BMP1: variants seen among roughly 807,000 people sequenced by gnomAD.
The protein encoded by BMP1 is bone morphogenetic protein 1.
BMP1 carries 63 observed loss-of-function variants against 116.8 expected under a neutral mutation model. That is an observed-to-expected ratio of 0.54 (90% CI 0.44 to 0.67). BMP1 has a LOEUF of 0.67. BMP1 is among the 30% of genes least tolerant of loss of function. The probability of loss-of-function intolerance (pLI) is 0.00; values close to 1 mark genes in which losing one functional copy is unlikely to be tolerated. For synonymous variants in BMP1, 536 were observed against 533.4 expected (o/e 1.00, Z -0.07); for missense variants, 1,183 against 1,358.9 (o/e 0.87, Z 2.04).
chr8:22,187,751 A>G (rs892270271), intron 8 of BMP1, among the ~76,000 whole-genome samples: 26 of 152,082 alleles, frequency 1.7e-4, no homozygotes, highest in African/African-American at 6.3e-4. Flanking sequence ...TCCAAATACC[A>G]AAAAATCTTA....
intron 1 of BMP1, chr8:22,171,162 G>C (rs151160401): frequency 6.6e-6 from 1 of 152,344 alleles, no homozygotes; most frequent in Non-Finnish European, 1.5e-5. Flanking sequence ...ATTCAAGTAA[G>C]AGTAGCTTTC....
rs1416254926 is a variant in BMP1 at position 22,194,199 on chromosome 8, A to C, written c.1297+25A>C. ...GGTACTGAGGAAGGCGGCGGGCGGG[A>C]GGAGTCAGATAGGAGGTCTCTGGGC... On this transcript the variant is annotated intron_variant, in intron 10 of 19. Coordinates refer to ENST00000306385, the MANE Select transcript of BMP1 (RefSeq NM_006129.5). This position sits in a 1 kb window ranked among gnomAD's most constrained non-coding sequence, Gnocchi z 4.5. 6.2e-7 allele frequency: 1 copy of C among 1,602,980 alleles called. No individual in the cohort carries two copies. The highest frequency in any genetic ancestry group is 8.5e-7 in the Non-Finnish European group (1 of 1,170,024).
chr8:22,177,104 G>T lies in BMP1; in HGVS notation c.695G>T (p.Arg232Leu). Residue 232 changes from arginine (R) to leucine (L), a missense_variant, in exon 5 of 20, where the codon CGC becomes CTC. Physicochemically the swap from Arg to Leu is moderately radical, Grantham distance 102 (BLOSUM62 -2). Transcript: ENST00000306385. ...WHEHTRPDRDRHVSIVRENIQ... is the reference protein window; with the variant it reads ...WHEHTRPDRDLHVSIVRENIQ... ...GAACACACTCGGCCAGACCGGGACCGCCACGTTTCCATCGTTCGTGAGAAC... is the reference window on the plus strand; with the variant it reads ...GAACACACTCGGCCAGACCGGGACCTCCACGTTTCCATCGTTCGTGAGAAC... The T allele has an allele frequency of 6.2e-7, 1 of 1,610,652 alleles. No individual in the cohort carries two copies.
In BMP1 at chr8:22,207,506, C is replaced by T; in HGVS notation, c.2565C>T (p.Ser855=). ...TCCAGCGAAAGGGCTTCCAGGCCTC[C>T]CACGCCACAGGTACTGTCCCCGGTT... ...NSVQRKGFQA[S]HATECGGQVR... The change falls in exon 18 of 20, where the codon TCC becomes TCT. Residue 855 remains serine (S), a synonymous_variant. Transcript: ENST00000306385. 1 of 1,613,348 alleles carries T rather than the reference C, an allele frequency of 6.2e-7. No individual in the cohort carries two copies. Among genetic ancestry groups the T allele is most frequent in the Non-Finnish European group, 8.5e-7 (1 of 1,180,008 alleles).
chr8:22,206,730 C>A, intron 16 of BMP1, 124 bp from the exon 17 acceptor site: 1 of 1,388,666 alleles, frequency 7.2e-7, no homozygotes, highest in Non-Finnish European at 9.9e-7. Context: ...GCCTGCCATC[C>A]AGTTCATAAG....
At chr8:22,211,282 G>A (rs1829458253) in intron 19 of BMP1, among the ~76,000 whole-genome samples, 1 of 152,222 alleles carries the variant, frequency 6.6e-6, no homozygotes, top group Non-Finnish European at 1.5e-5. Flanking sequence ...GGAGAGCAGA[G>A]ACCTTTTGCT....
At chr8:22,172,547 A>G (rs1402221312) in intron 1 of BMP1, among the ~76,000 whole-genome samples, 1 of 149,340 alleles carries the variant, frequency 6.7e-6, no homozygotes, top group African/African-American at 2.5e-5. Context: ...CCCAGAAGGT[A>G]TCTTCGTTTC....
chr8:22,187,547 C>T (rs1229282499), intron 8 of BMP1, among the ~76,000 whole-genome samples: 6 of 117,408 alleles, frequency 5.1e-5, no homozygotes, highest in Non-Finnish European at 8.2e-5. Flanking sequence ...GACAGGGTTT[C>T]ACCGTGTTAG....
chr8:22,165,926 T>TGTGTGTGTGTGTGTGTGTGTGTG (rs56227111), intron 1 of BMP1, among the ~76,000 whole-genome samples: 15 of 149,594 alleles, frequency 1.0e-4, no homozygotes, highest in South Asian at 4.3e-4. Context: ...TGTGTGTGTG[T>TGTGTGTGTGTGTGTGTGTGTGTG]TCTTTCCCCT....
At chr8:22,197,068 G>A (rs1045177015) in intron 14 of BMP1, among the ~76,000 whole-genome samples, 172 bp from the exon 15 acceptor site, 1 of 152,204 alleles carries the variant, frequency 6.6e-6, no homozygotes, top group African/African-American at 2.4e-5. Context: ...TTAGGGAGGC[G>A]TGTGGAGCAA....
At position 22,195,515 on chromosome 8, in the gene BMP1, AACACCC is replaced by A; in HGVS notation, c.1694_1699del (p.Asn565_Leu567delinsMet). 1 of 1,612,796 alleles carries A rather than the reference AACACCC, an allele frequency of 6.2e-7. No homozygotes were observed. The highest frequency in any genetic ancestry group is 1.3e-5 in the African/African-American group (1 of 74,952). On this transcript the variant is annotated inframe_deletion, in exon 13 of 20. Transcript: ENST00000306385. ...CGGGGGCTGTGAGCAGCGGTGCCTC[AACACCC>A]TGGGCAGCTACAAGTGCAGCTGTGA...
At chr8:22,172,152 C>G (rs573677024) in intron 1 of BMP1, among the ~76,000 whole-genome samples, 12 of 152,218 alleles carry the variant, frequency 7.9e-5, no homozygotes, top group African/African-American at 2.9e-4. Context: ...TGTAACGCGA[C>G]CGCCAGGCCT....
intron 8 of BMP1, among the ~76,000 whole-genome samples, chr8:22,183,770 T>G (rs1190525830): frequency 2.6e-5 from 4 of 152,072 alleles, no homozygotes; most frequent in Admixed American, 6.6e-5. Flanking sequence ...AGAGACGGGT[T>G]TCTCCATGTT....
Position 22,179,135 on chromosome 8 carries a change from G to A in BMP1, c.837-570G>A, listed in dbSNP as rs2131853564. Among the ~76,000 whole-genome samples, 1 of 152,358 alleles carries A rather than the reference G, an allele frequency of 6.6e-6. No individual in the cohort carries two copies. Among genetic ancestry groups the A allele is most frequent in the African/African-American group, 2.4e-5 (1 of 41,590 alleles). Reference sequence around the variant, plus strand: ...CAAACACCCAGGATTCAGCAGGGAGGAATGGCCAGGACAGGAGACACTGAT... The same window carrying A: ...CAAACACCCAGGATTCAGCAGGGAGAAATGGCCAGGACAGGAGACACTGAT... On this transcript the variant is annotated intron_variant, in intron 6 of 19. Transcript: ENST00000306385. The surrounding 1 kb of genome is among the most constrained non-coding windows in gnomAD (Gnocchi z 4.6).
chr8:22,202,645 C>G (rs1011623530), intron 16 of BMP1, among the ~76,000 whole-genome samples: 1 of 152,098 alleles, frequency 6.6e-6, no homozygotes, highest in African/African-American at 2.4e-5. Context: ...CTCAGGCATT[C>G]AAGACCAGCC....
At position 22,194,197 on chromosome 8, in the gene BMP1, G is replaced by A; in HGVS notation, c.1297+23G>A. ...AAGGTACTGAGGAAGGCGGCGGGCG[G>A]GAGGAGTCAGATAGGAGGTCTCTGG... On this transcript the variant is annotated intron_variant, in intron 10 of 19. Transcript: ENST00000306385. The surrounding 1 kb of genome is among the most constrained non-coding windows in gnomAD (Gnocchi z 4.5). The A allele has an allele frequency of 6.2e-7, 1 of 1,603,738 alleles. No homozygotes were observed. The highest frequency in any genetic ancestry group is 8.5e-7 in the Non-Finnish European group (1 of 1,170,524).
At chr8:22,176,694 A>C (rs1424022659) in intron 4 of BMP1, 44 bp downstream of exon 4, 8 of 1,599,822 alleles carry the variant, frequency 5.0e-6, no homozygotes, top group Non-Finnish European at 6.9e-6. Context: ...CCATTGCCCC[A>C]ACCCAGGTTC....
At chr8:22,198,857 C>T (rs1399619360) in intron 15 of BMP1, 22 of 942,952 alleles carry the variant, frequency 2.3e-5, no homozygotes, top group Non-Finnish European at 2.8e-5. Flanking sequence ...TTGCTGAGAC[C>T]CTCCCCATGC....
At position 22,180,390 on chromosome 8, in the gene BMP1, C is replaced by T. The variant is rs752073136; in HGVS notation, c.984C>T (p.Asp328=). The T allele has an allele frequency of 6.2e-7, 1 of 1,613,856 alleles. No homozygotes were observed. Among genetic ancestry groups the T allele is most frequent in the Admixed American group, 1.7e-5 (1 of 59,992 alleles). The change falls in exon 8 of 20, where the codon GAC becomes GAT. Residue 328 remains aspartate (D), a synonymous_variant. Coordinates refer to ENST00000306385, the MANE Select transcript of BMP1 (RefSeq NM_006129.5). ...CAGCCTGTGGAGAGACCCTGCAAGA[C>T]AGCACAGGCAACTTCTCCTCCCCTG... is the stretch of plus-strand genomic sequence containing the variant. ...KCPACGETLQ[D]STGNFSSPEY...
Sources: allele counts gnomAD v4.1 joint callset (sites outside exome capture counted in the v4.1 genomes callset), GRCh38; gene constraint gnomAD v4.1.1; non-coding constraint Gnocchi (gnomAD v3.1); transcripts MANE v1.5; gene names NCBI Gene and HGNC (gene_info 2026-07-23, HGNC 2026-07-21).